The following FICD variants were observed in gnomAD, a reference collection of about 807,000 sequenced individuals.
FICD encodes FIC domain protein adenylyltransferase.
A neutral mutation model predicts 28.0 loss-of-function variants in FICD; 13 were observed. That is an observed-to-expected ratio of 0.46 (90% CI 0.30 to 0.74). FICD has a LOEUF of 0.74. Among genes scored for constraint, FICD ranks in the 30% least tolerant of loss-of-function variants. FICD has a pLI of 0.07. For missense variants in FICD, 576 were observed against 624.5 expected (o/e 0.92, Z 0.83); for synonymous variants, 268 against 266.4 (o/e 1.01, Z -0.06).
chr12:108,518,675 A>G lies in FICD; in HGVS notation c.577A>G (p.Arg193Gly), dbSNP rs1290151957. Residue 193 changes from arginine to glycine, a missense_variant, in exon 3 of 3, where the codon AGG (arginine) becomes GGG (glycine). Physicochemically the swap from Arg to Gly is moderately radical, Grantham distance 125. Transcript: ENST00000552695. The surrounding 1 kb of genome is among the most constrained non-coding windows in gnomAD (Gnocchi z 4.4). ...GCCTCTTGTGGAAGAGATCGACCAG[A>G]GGTATTTCAGCATCATCGACAGCAA... is the stretch of plus-strand genomic sequence containing the variant. ...TLPLVEEIDQ[R>G]YFSIIDSKVK... 1 of 1,614,194 alleles carries G rather than the reference A, an allele frequency of 6.2e-7. No individual in the cohort carries two copies. The highest frequency in any genetic ancestry group is 8.5e-7 in the Non-Finnish European group (1 of 1,180,028).
intron 2 of FICD, chr12:108,517,486 G>A (rs1426286840): frequency 4.7e-6 from 2 of 428,404 alleles, no homozygotes; most frequent in Non-Finnish European, 8.1e-6. Flanking sequence ...GCTCCCTGGA[G>A]GAAGTGACAC....
rs1026618216 is a variant in FICD at position 108,518,250 on chromosome 12, A to G, written c.302-150A>G. ...GAGTGGTACCGGGCATGTTGAGTAC[A>G]CACGATGCGGCTGCAACAAGCTCCT... On this transcript the variant is annotated intron_variant, in intron 2 of 2. Transcript: ENST00000552695. This position sits in a 1 kb window ranked among gnomAD's most constrained non-coding sequence, Gnocchi z 4.4. The G allele has an allele frequency of 8.3e-6, 6 of 722,856 alleles. No homozygotes were observed. The highest frequency in any genetic ancestry group is 1.5e-5 in the Non-Finnish European group (6 of 402,432). 44.8% of individuals were successfully genotyped at this position (722,856 alleles called of 1,614,324 possible).
intron 1 of FICD, among the ~76,000 whole-genome samples, chr12:108,515,813 G>A (rs1199484277): frequency 6.6e-6 from 1 of 152,220 alleles, no homozygotes; most frequent in Non-Finnish European, 1.5e-5. Context: ...CAGGTGCACA[G>A]GCCCTGCTTA....
Position 108,518,303 on chromosome 12 carries a change from A to G in FICD, c.302-97A>G. The G allele has an allele frequency of 3.9e-6, 4 of 1,022,656 alleles. No homozygotes were observed. Among genetic ancestry groups the G allele is most frequent in the East Asian group, 2.5e-5 (1 of 39,226 alleles). The allele number at this position is 1,022,656 out of a possible 1,614,324, so 63.3% of individuals were successfully genotyped here. On this transcript the variant is annotated intron_variant, in intron 2 of 2. Coordinates refer to ENST00000552695, the MANE Select transcript of FICD (RefSeq NM_007076.3). The surrounding 1 kb of genome is among the most constrained non-coding windows in gnomAD (Gnocchi z 4.4). ...AGGCCAGGGACACAGGCTGGTCATC[A>G]TGGTTTCCTGCGGAGACCAGCACAG...
chr12:108,520,766 C>CA lies in FICD; in HGVS notation c.*1292dup, dbSNP rs1410457985. 6.6e-6 allele frequency: 1 copy of CA among 152,186 alleles called. No individual in the cohort carries two copies. Among genetic ancestry groups the CA allele is most frequent in the Non-Finnish European group, 1.5e-5 (1 of 68,036 alleles). The allele number at this position is 152,186 out of a possible 1,614,324, so 9.4% of individuals were successfully genotyped here. On this transcript the variant is annotated 3_prime_UTR_variant, in exon 3 of 3. Coordinates refer to ENST00000552695, the MANE Select transcript of FICD (RefSeq NM_007076.3). The stretch of plus-strand genomic sequence containing the variant: ...AGTCACTGGGTCCCTTTCCCAGTGA[C>CA]AGAGCCCATGATGTCTAACACTACT...
rs140874318 is a variant in FICD, at chr12:108,520,950, A to G, written c.*1475A>G. On this transcript the variant is annotated 3_prime_UTR_variant, in exon 3 of 3. Coordinates refer to ENST00000552695, the MANE Select transcript of FICD (RefSeq NM_007076.3). ...AGTAGTTTTTGAAAGGTTAAGAAAA[A>G]TAAGTGAAAAGACATACACGATATA... The G allele has an allele frequency of 2.6e-5, 4 of 152,374 alleles. No individual in the cohort carries two copies. The highest frequency in any genetic ancestry group is 9.6e-5 in the African/African-American group (4 of 41,598). The allele number at this position is 152,374 out of a possible 1,614,324, so 9.4% of individuals were successfully genotyped here.
chr12:108,517,749 G>C (rs1871953357), intron 2 of FICD, among the ~76,000 whole-genome samples: 1 of 152,144 alleles, frequency 6.6e-6, no homozygotes, highest in Admixed American at 6.5e-5. Context: ...GGTGGGGACT[G>C]AAAGTGCATT....
rs1437512963 is a variant in FICD at position 108,518,396 on chromosome 12, C to A, written c.302-4C>A. On this transcript the variant is annotated splice_polypyrimidine_tract_variant and splice_region_variant and intron_variant, in intron 2 of 2. Transcript: ENST00000552695. This position sits in a 1 kb window ranked among gnomAD's most constrained non-coding sequence, Gnocchi z 4.4. ...CTCACAGCGCTTCTTTGGCTCTCTTCCAGCGGGTAAGTTGGAAGCCAGAGC... is the reference window on the plus strand; with the variant it reads ...CTCACAGCGCTTCTTTGGCTCTCTTACAGCGGGTAAGTTGGAAGCCAGAGC... 1.2e-6 allele frequency: 2 copies of A among 1,613,302 alleles called. No homozygotes were observed. Among genetic ancestry groups the A allele is most frequent in the Non-Finnish European group, 1.7e-6 (2 of 1,179,440 alleles).
In FICD at chr12:108,518,656, T is replaced by G. The variant is rs1349690956; in HGVS notation, c.558T>G (p.Leu186=). Residue 186 remains leucine (L), a synonymous_variant, in exon 3 of 3, where the codon CTT becomes CTG. Coordinates refer to ENST00000552695, the MANE Select transcript of FICD (RefSeq NM_007076.3). This position sits in a 1 kb window ranked among gnomAD's most constrained non-coding sequence, Gnocchi z 4.4. ...ALVNRDRTLP[L]VEEIDQRYFS... ...TCAACCGCGATCGGACACTGCCTCT[T>G]GTGGAAGAGATCGACCAGAGGTATT... is the stretch of plus-strand genomic sequence containing the variant. 4 of 1,614,040 alleles carry G rather than the reference T, an allele frequency of 2.5e-6. No homozygotes were observed. Among genetic ancestry groups the G allele is most frequent in the Non-Finnish European group, 2.5e-6 (3 of 1,180,026 alleles).
Position 108,518,581 on chromosome 12 carries a change from C to T in FICD, c.483C>T (p.Tyr161=), listed in dbSNP as rs779230969. ...EEDKDIIQAD[Y]LYTRALTISP... is the part of the protein sequence containing the mutation. ...ACAAGGACATCATCCAGGCGGACTA[C>T]TTGTACACCAGAGCATTGACCATCT... The change falls in exon 3 of 3, where the codon TAC becomes TAT. Residue 161 remains tyrosine, a synonymous_variant. Transcript: ENST00000552695. This position sits in a 1 kb window ranked among gnomAD's most constrained non-coding sequence, Gnocchi z 4.4. 1.5e-5 allele frequency: 24 copies of T among 1,614,128 alleles called. No individual in the cohort carries two copies. Among genetic ancestry groups the T allele is most frequent in the Non-Finnish European group, 7.6e-6 (9 of 1,180,050 alleles).
Position 108,517,968 on chromosome 12 carries a change from G to A in FICD, c.302-432G>A, listed in dbSNP as rs558727829. Among the ~76,000 whole-genome samples the A allele has an allele frequency of 2.0e-5, 3 of 152,290 alleles. No homozygotes were observed. The East Asian group carries it at 5.8e-4, about 29-fold the overall frequency. On this transcript the variant is annotated intron_variant, in intron 2 of 2. Coordinates refer to ENST00000552695, the MANE Select transcript of FICD (RefSeq NM_007076.3). ...CTAGGAAGAGTGGGGAGTTGTTAACGCCTTTGGGCCTCCCGGGGCAGGAAC... is the reference window on the plus strand; with the variant it reads ...CTAGGAAGAGTGGGGAGTTGTTAACACCTTTGGGCCTCCCGGGGCAGGAAC...
At position 108,519,664 on chromosome 12, in the gene FICD, A is replaced by T; in HGVS notation, c.*189A>T. The T allele has an allele frequency of 1.8e-6, 1 of 543,952 alleles. No individual in the cohort carries two copies. Among genetic ancestry groups the T allele is most frequent in the Non-Finnish European group, 3.2e-6 (1 of 312,366 alleles). 33.7% of individuals were successfully genotyped at this position (543,952 alleles called of 1,614,324 possible). On this transcript the variant is annotated 3_prime_UTR_variant, in exon 3 of 3. Coordinates refer to ENST00000552695, the MANE Select transcript of FICD (RefSeq NM_007076.3). The surrounding 1 kb of genome is among the most constrained non-coding windows in gnomAD (Gnocchi z 4.5). ...CTCTAAAATAACTTATAATTCAACC[A>T]AGCTATTTATTTTCTTCTTTGGAGC...
intron 1 of FICD, among the ~76,000 whole-genome samples, chr12:108,516,329 C>A (rs1871909336): frequency 6.6e-6 from 1 of 152,202 alleles, no homozygotes; most frequent in South Asian, 2.1e-4. Flanking sequence ...GGCCACCCAA[C>A]AATTGTGCTT....
At position 108,517,181 on chromosome 12, in the gene FICD, A is replaced by G. The variant is rs375782325; in HGVS notation, c.209A>G (p.His70Arg). Residue 70 changes from histidine (H) to arginine (R), a missense_variant, in exon 2 of 3, where the codon CAT becomes CGT. Coordinates refer to ENST00000552695, the MANE Select transcript of FICD (RefSeq NM_007076.3). ...LLRSKPDRAQHAATKCTSPST... is the reference protein window; with the variant it reads ...LLRSKPDRAQRAATKCTSPST... ...AGGAGCAAACCGGACAGGGCGCAGC[A>G]TGCCGCCACCAAGTGCACCAGCCCG... The G allele has an allele frequency of 5.0e-6, 8 of 1,596,920 alleles. No individual in the cohort carries two copies. The highest frequency in any genetic ancestry group is 6.8e-6 in the Non-Finnish European group (8 of 1,170,872).
In FICD at chr12:108,518,485, C is replaced by T; in HGVS notation, c.387C>T (p.Phe129=). Residue 129 remains phenylalanine (F), a synonymous_variant, in exon 3 of 3, where the codon TTC becomes TTT. Transcript: ENST00000552695. The surrounding 1 kb of genome is among the most constrained non-coding windows in gnomAD (Gnocchi z 4.4). ...AGCGGGAAAAAGCCCAAAAGCTCTT[C>T]ATGCACGCCCTCAAGATGGACCCGG... ...QGKREKAQKL[F]MHALKMDPDF... is the part of the protein sequence containing the mutation. 6.2e-7 allele frequency: 1 copy of T among 1,614,202 alleles called. No individual in the cohort carries two copies. The highest frequency in any genetic ancestry group is 1.7e-5 in the Admixed American group (1 of 60,020).
rs745629379 is a variant in FICD, at chr12:108,518,333, C to G, written c.302-67C>G. Reference sequence around the variant, plus strand: ...TTCCTGCGGAGACCAGCACAGGGGACAGCCCCCCGAATGTCCTCTGCCCCC... The same window carrying G: ...TTCCTGCGGAGACCAGCACAGGGGAGAGCCCCCCGAATGTCCTCTGCCCCC... On this transcript the variant is annotated intron_variant, in intron 2 of 2. Transcript: ENST00000552695. This position sits in a 1 kb window ranked among gnomAD's most constrained non-coding sequence, Gnocchi z 4.4. 3.8e-5 allele frequency: 51 copies of G among 1,347,402 alleles called. No individual in the cohort carries two copies. Among genetic ancestry groups the G allele is most frequent in the Non-Finnish European group, 4.9e-5 (46 of 946,702 alleles). 83.5% of individuals were successfully genotyped at this position (1,347,402 alleles called of 1,614,324 possible). A position where few individuals can be genotyped will look rare whatever the true frequency, so the allele number is the denominator to read the frequency against.
chr12:108,517,868 C>A (rs1035888259), intron 2 of FICD, among the ~76,000 whole-genome samples: 16 of 152,150 alleles, frequency 1.1e-4, no homozygotes, highest in African/African-American at 3.4e-4. Flanking sequence ...ACCAAATGTC[C>A]CCTGGGGCGC....
chr12:108,520,863 C>G lies in FICD; in HGVS notation c.*1388C>G, dbSNP rs1872093386. ...TTTGATTTGGTAATTCCGTTCCTGA[C>G]AGTAATGAGGCCACTGCTCTAAAGT... is the stretch of plus-strand genomic sequence containing the variant. On this transcript the variant is annotated 3_prime_UTR_variant, in exon 3 of 3. Coordinates refer to ENST00000552695, the MANE Select transcript of FICD (RefSeq NM_007076.3). 6.6e-6 allele frequency: 1 copy of G among 152,202 alleles called. No individual in the cohort carries two copies. The highest frequency in any genetic ancestry group is 1.5e-5 in the Non-Finnish European group (1 of 68,040). The allele number at this position is 152,202 out of a possible 1,614,324, so 9.4% of individuals were successfully genotyped here.
rs980140473 is a variant in FICD, at chr12:108,517,173, G to A, written c.201G>A (p.Arg67=). 6.3e-7 allele frequency: 1 copy of A among 1,599,196 alleles called. No individual in the cohort carries two copies. Among genetic ancestry groups the A allele is most frequent in the Non-Finnish European group, 8.5e-7 (1 of 1,172,064 alleles). Residue 67 remains arginine, a synonymous_variant, in exon 2 of 3, where the codon AGG becomes AGA. Transcript: ENST00000552695. ...GLYLLRSKPD[R]AQHAATKCTS... ...ACCTGCTCAGGAGCAAACCGGACAG[G>A]GCGCAGCATGCCGCCACCAAGTGCA...
Sources: allele counts gnomAD v4.1 joint callset (sites outside exome capture counted in the v4.1 genomes callset), GRCh38; gene constraint gnomAD v4.1.1; non-coding constraint Gnocchi (gnomAD v3.1); transcripts MANE v1.5; gene names NCBI Gene and HGNC (gene_info 2026-07-23, HGNC 2026-07-21).